Variants in CDH3 observed in about 807,000 individuals in gnomAD.
CDH3 encodes cadherin 3.
CDH3 carries 54 observed loss-of-function variants against 82.0 expected under a neutral mutation model. The ratio of observed to expected loss-of-function variants is 0.66; its 90% confidence interval spans 0.53 to 0.83. CDH3 has a LOEUF of 0.83. CDH3 is among the 40% of genes least tolerant of loss of function. The pLI is 0.00. For synonymous variants in CDH3, 446 were observed against 437.9 expected, an observed-to-expected ratio of 1.02 and a Z score of -0.23; for missense variants, 1,054 against 1,084.6, an observed-to-expected ratio of 0.97 and a Z score of 0.40.
chr16:68,727,352 A>G (rs773620930), exon 3 of CDH3, among the ~76,000 whole-genome samples: 2 of 152,064 alleles, frequency 1.3e-5, no homozygotes, highest in African/African-American at 2.4e-5. Context: ...AGCCTCCATA[A>G]TCCCATGAGT....
At chr16:68,669,107 G>A (rs950630596) in intron 2 of CDH3, among the ~76,000 whole-genome samples, 1 of 152,170 alleles carries the variant, frequency 6.6e-6, no homozygotes, top group Non-Finnish European at 1.5e-5. Flanking sequence ...CTGCCTTCAG[G>A]ATTTGAAACC....
rs936551144 is a variant in CDH3, at chr16:68,707,570, G to A, written c.99+11647G>A. The stretch of plus-strand genomic sequence containing the variant: ...AGAGCGCCCTGTAGTCTGGTAGGGC[G>A]GTGGCTAAGACAGCAGCCCCTAAAG... On this transcript the variant is annotated intron_variant, in intron 1 of 2. Coordinates refer to the CDH3 transcript ENST00000569080. This position sits in a 1 kb window ranked among gnomAD's most constrained non-coding sequence, Gnocchi z 4.5. Among the ~76,000 whole-genome samples, 4 of 152,130 alleles carry A rather than the reference G, an allele frequency of 2.6e-5. No homozygotes were observed. Among genetic ancestry groups the A allele is most frequent in the African/African-American group, 7.2e-5 (3 of 41,410 alleles).
intron 3 of CDH3, among the ~76,000 whole-genome samples, chr16:68,676,970 C>T (rs1052365518): frequency 2.6e-5 from 4 of 152,186 alleles, no homozygotes; most frequent in Non-Finnish European, 5.9e-5. Context: ...TGTTTGCCTC[C>T]ATTTGCCCAA....
intron 1 of CDH3, among the ~76,000 whole-genome samples, chr16:68,719,666 AATTTTTGT>A (rs1407681613): frequency 6.6e-6 from 1 of 151,680 alleles, no homozygotes; most frequent in East Asian, 1.9e-4. Context: ...CACACCAGCT[AATTTTTGT>A]ATTTTTATTA....
rs140099420 is a variant in CDH3, at chr16:68,720,229, A to G, written c.100-2196A>G. ...AATCCCAAAAAGTGTGAATTTTACC[A>G]TATGCAAACTAATTTTTTTTAACAT... On this transcript the variant is annotated intron_variant, in intron 1 of 2. Transcript: ENST00000569080. 1.4e-4 allele frequency among the ~76,000 whole-genome samples: 21 copies of G among 152,190 alleles called. No individual in the cohort carries two copies. The East Asian group carries it at 3.7e-3, about 27-fold the overall frequency.
downstream of CDH3, among the ~76,000 whole-genome samples, chr16:68,701,493 C>T (rs1443589233): frequency 6.6e-6 from 1 of 151,994 alleles, no homozygotes; most frequent in Non-Finnish European, 1.5e-5. Context: ...TGTGTTTCAA[C>T]ACTTTGGTGT....
chr16:68,715,690 C>G (rs1449721907), intron 1 of CDH3, among the ~76,000 whole-genome samples: 1 of 152,208 alleles, frequency 6.6e-6, no homozygotes, highest in Non-Finnish European at 1.5e-5. Context: ...CGCCCCACTT[C>G]CTGCCACCCC....
At chr16:68,708,968 T>A (rs1376485534) in intron 1 of CDH3, among the ~76,000 whole-genome samples, 1 of 151,904 alleles carries the variant, frequency 6.6e-6, no homozygotes, top group East Asian at 1.9e-4. Context: ...AATTAGGTAC[T>A]GGGTTTCACT....
intron 2 of CDH3, among the ~76,000 whole-genome samples, chr16:68,655,331 G>T (rs1441837825): frequency 6.6e-6 from 1 of 152,168 alleles, no homozygotes; most frequent in East Asian, 1.9e-4. Flanking sequence ...AAATGTCTGA[G>T]TACCTACTAG....
chr16:68,713,756 G>C (rs1962061173), intron 1 of CDH3, among the ~76,000 whole-genome samples: 1 of 151,970 alleles, frequency 6.6e-6, no homozygotes, highest in African/African-American at 2.4e-5. Context: ...CCTGCCCACT[G>C]TCCCGCTCCC....
chr16:68,697,723 G>C (rs1387529812), intron 15 of CDH3, among the ~76,000 whole-genome samples: 1 of 152,070 alleles, frequency 6.6e-6, no homozygotes, highest in Non-Finnish European at 1.5e-5. Context: ...ATTGTTGCGA[G>C]GTGCTATTCT....
At position 68,698,772 on chromosome 16, in the gene CDH3, C is replaced by A; in HGVS notation, c.*372C>A. The stretch of plus-strand genomic sequence containing the variant: ...AACCTTCTTAGGCCTCCTGGTGCAA[C>A]TTAATTTTTTTTTTTAATGCTATCT... On this transcript the variant is annotated 3_prime_UTR_variant, in exon 16 of 16. Transcript: ENST00000264012. The A allele has an allele frequency of 4.6e-6, 1 of 218,648 alleles. No homozygotes were observed. The allele number at this position is 218,648 out of a possible 1,614,324, so 13.5% of individuals were successfully genotyped here.
intron 2 of CDH3, among the ~76,000 whole-genome samples, chr16:68,663,528 C>G (rs191563361): frequency 6.7e-4 from 102 of 152,214 alleles, no homozygotes; most frequent in African/African-American, 2.3e-3. Flanking sequence ...GCCACCACGC[C>G]TGGCCGAAAG....
At chr16:68,690,961 G>A (rs1230300876) in intron 12 of CDH3, among the ~76,000 whole-genome samples, 1 of 151,878 alleles carries the variant, frequency 6.6e-6, no homozygotes, top group Non-Finnish European at 1.5e-5. Context: ...GATTGGGCTA[G>A]CTATCAGCTG....
intron 2 of CDH3, among the ~76,000 whole-genome samples, chr16:68,655,580 A>C (rs1195771070): frequency 6.6e-6 from 1 of 152,196 alleles, no homozygotes; most frequent in Non-Finnish European, 1.5e-5. Flanking sequence ...ATGGTGGCTC[A>C]CACCTGTAAT....
chr16:68,706,833 C>A (rs953276065), intron 1 of CDH3, among the ~76,000 whole-genome samples: 2 of 152,114 alleles, frequency 1.3e-5, no homozygotes, highest in African/African-American at 2.4e-5. Flanking sequence ...GGATTACAGG[C>A]GTGAGCCACT....
chr16:68,670,370 C>G (rs77911658), intron 2 of CDH3, among the ~76,000 whole-genome samples: 56 of 152,178 alleles, frequency 3.7e-4, no homozygotes, highest in African/African-American at 1.2e-3. Flanking sequence ...GTCATCTCAC[C>G]GCCACCACCC....
intron 2 of CDH3, among the ~76,000 whole-genome samples, chr16:68,646,510 C>A (rs199755577): frequency 1.2e-4 from 17 of 140,066 alleles, no homozygotes; most frequent in South Asian, 1.0e-3. Context: ...CTACCCCCCC[C>A]CTCCCCGCCC....
chr16:68,707,414 C>A lies in CDH3; in HGVS notation c.99+11491C>A, dbSNP rs565092342. Reference sequence around the variant, plus strand: ...CAGCTCCATCCCGGGGCTGGCAGAACCTGGTTCCTCCTCTGCTGTATCCTC... The same window carrying A: ...CAGCTCCATCCCGGGGCTGGCAGAAACTGGTTCCTCCTCTGCTGTATCCTC... On this transcript the variant is annotated intron_variant, in intron 1 of 2. Transcript: ENST00000569080. The surrounding 1 kb of genome is among the most constrained non-coding windows in gnomAD (Gnocchi z 4.5). Among the ~76,000 whole-genome samples, 12 of 152,316 alleles carry A rather than the reference C, an allele frequency of 7.9e-5. No homozygotes were observed. Among genetic ancestry groups the A allele is most frequent in the Admixed American group, 5.2e-4 (8 of 15,308 alleles).
Sources: gnomAD v4.1 joint callset for allele counts (sites outside exome capture counted in the v4.1 genomes callset) on GRCh38, gnomAD v4.1.1 for gene constraint, Gnocchi (gnomAD v3.1) non-coding constraint, MANE v1.5 for transcripts, NCBI Gene and HGNC (gene_info 2026-07-23, HGNC 2026-07-21) for gene names.